The following PCDH12 variants were observed in gnomAD, a reference collection of about 807,000 sequenced individuals.
The protein encoded by PCDH12 is protocadherin 12.
In PCDH12, 45 loss-of-function variants were observed where a neutral mutation model predicts 70.9. That is an observed-to-expected ratio of 0.63 (90% CI 0.50 to 0.81). PCDH12 has a LOEUF of 0.81. Among genes scored for constraint, PCDH12 ranks in the 40% least tolerant of loss-of-function variants. PCDH12 has a pLI of 0.00. For missense variants in PCDH12, 1,370 were observed against 1,491.7 expected (o/e 0.92, Z 1.34); for synonymous variants, 567 against 626.0 (o/e 0.91, Z 1.41).
Position 141,955,436 on chromosome 5 carries a change from C to T in PCDH12, c.2416G>A (p.Ala806Thr). 6.2e-7 allele frequency: 1 copy of T among 1,614,048 alleles called. No individual in the cohort carries two copies. The highest frequency in any genetic ancestry group is 2.2e-5 in the East Asian group (1 of 44,868). Residue 806 changes from alanine (A) to threonine (T), a missense_variant, in exon 1 of 4, where the codon GCA (alanine) becomes ACA (threonine). Transcript: ENST00000231484. This position sits in a 1 kb window ranked among gnomAD's most constrained non-coding sequence, Gnocchi z 5.5. ...GCCTGCAGGCAGGGGTCCCAGCCTG[C>T]TTCCATCATCGCCTCCTTGTCCACA... ...KDVDKEAMME[A>T]GWDPCLQAPF...
At position 141,955,484 on chromosome 5, in the gene PCDH12, C is replaced by T. The variant is rs142079978; in HGVS notation, c.2368G>A (p.Glu790Lys). ...ACATCTTTGTGGGACTGCCCGACTTCACAAGGCTCACCTGCCTGACCCCTG... is the reference window on the plus strand; with the variant it reads ...ACATCTTTGTGGGACTGCCCGACTTTACAAGGCTCACCTGCCTGACCCCTG... ...VLRGQAGEPC[E>K]VGQSHKDVDK... Residue 790 changes from glutamate to lysine, a missense_variant, in exon 1 of 4, where the codon GAA (glutamate) becomes AAA (lysine). Glu to Lys is a moderately conservative substitution (Grantham distance 56). Transcript: ENST00000231484. This position sits in a 1 kb window ranked among gnomAD's most constrained non-coding sequence, Gnocchi z 5.5. 1.9e-6 allele frequency: 3 copies of T among 1,613,988 alleles called. No individual in the cohort carries two copies. The highest frequency in any genetic ancestry group is 2.7e-5 in the African/African-American group (2 of 74,916).
rs755929638 is a variant in PCDH12 at position 141,955,997 on chromosome 5, T to C, written c.1855A>G (p.Thr619Ala). 6.2e-7 allele frequency: 1 copy of C among 1,614,136 alleles called. No individual in the cohort carries two copies. The highest frequency in any genetic ancestry group is 8.5e-7 in the Non-Finnish European group (1 of 1,180,028). Residue 619 changes from threonine to alanine, a missense_variant, in exon 1 of 4, where the codon ACA becomes GCA. Physicochemically the swap from Thr to Ala is moderately conservative, Grantham distance 58. Transcript: ENST00000231484. The surrounding 1 kb of genome is among the most constrained non-coding windows in gnomAD (Gnocchi z 5.5). ...ATHSSRPFLL[T>A]TIVARDADSG... ...TCTGCATCTCTTGCCACAATGGTTG[T>C]CAAAAGGAATGGCCGGGAGCTGTGA...
In PCDH12 at chr5:141,957,723, A is replaced by G. The variant is rs1753211288; in HGVS notation, c.129T>C (p.Gly43=). ...CCTGGGACAGCTTCCCGATCACTGTACCAGATGGCACTTCCTCTGACACTT... is the reference window on the plus strand; with the variant it reads ...CCTGGGACAGCTTCCCGATCACTGTGCCAGATGGCACTTCCTCTGACACTT... ...KYQVSEEVPS[G]TVIGKLSQEL... Residue 43 remains glycine (G), a synonymous_variant, in exon 1 of 4, where the codon GGT becomes GGC. Coordinates refer to ENST00000231484, the MANE Select transcript of PCDH12 (RefSeq NM_016580.4). This position sits in a 1 kb window ranked among gnomAD's most constrained non-coding sequence, Gnocchi z 4.3. 6.2e-7 allele frequency: 1 copy of G among 1,613,954 alleles called. No individual in the cohort carries two copies. Among genetic ancestry groups the G allele is most frequent in the Non-Finnish European group, 8.5e-7 (1 of 1,180,020 alleles).
intron 3 of PCDH12, 80 bp from the exon 4 acceptor site, chr5:141,945,885 C>T: frequency 7.6e-7 from 1 of 1,308,884 alleles, no homozygotes; most frequent in South Asian, 1.3e-5. Context: ...ATGAGCAGGG[C>T]AAGGGCAGTG....
rs1170266788 is a variant in PCDH12, at chr5:141,944,950, G to A, written c.*431C>T. On this transcript the variant is annotated 3_prime_UTR_variant, in exon 4 of 4. Transcript: ENST00000231484. The stretch of plus-strand genomic sequence containing the variant: ...ACTCTTCCCTTCTCCCTCTTGACAG[G>A]TGCAAACAGGAGAATGAATCACTGC... The A allele has an allele frequency of 5.6e-6, 1 of 178,066 alleles. No individual in the cohort carries two copies. Among genetic ancestry groups the A allele is most frequent in the South Asian group, 1.4e-4 (1 of 7,294 alleles). The allele number at this position is 178,066 out of a possible 1,614,324, so 11.0% of individuals were successfully genotyped here. A position where few individuals can be genotyped will look rare whatever the true frequency, so the allele number is the denominator to read the frequency against.
rs763198239 is a variant in PCDH12 at position 141,957,328 on chromosome 5, G to A, written c.524C>T (p.Ser175Phe). 1 of 1,613,528 alleles carries A rather than the reference G, an allele frequency of 6.2e-7. No individual in the cohort carries two copies. Among genetic ancestry groups the A allele is most frequent in the Non-Finnish European group, 8.5e-7 (1 of 1,179,692 alleles). Residue 175 changes from serine (S) to phenylalanine (F), a missense_variant, in exon 1 of 4, where the codon TCT (serine) becomes TTT (phenylalanine). By Grantham distance (155) the Ser-to-Phe change is radical (BLOSUM62 -2). Coordinates refer to ENST00000231484, the MANE Select transcript of PCDH12 (RefSeq NM_016580.4). The surrounding 1 kb of genome is among the most constrained non-coding windows in gnomAD (Gnocchi z 4.3). ...ATCCAAGGCAAAGTGCTCACTGGGA[G>A]ACAGAGTGTAGGTGTGCAGGGTGTT... ...GPNTLHTYTLSPSEHFALDVI... is the reference protein window; with the variant it reads ...GPNTLHTYTLFPSEHFALDVI...
chr5:141,957,554 G>C lies in PCDH12; in HGVS notation c.298C>G (p.Gln100Glu), dbSNP rs1264770166. 2 of 1,614,098 alleles carry C rather than the reference G, an allele frequency of 1.2e-6. No individual in the cohort carries two copies. Among genetic ancestry groups the C allele is most frequent in the African/African-American group, 2.7e-5 (2 of 74,942 alleles). Residue 100 changes from glutamine to glutamate, a missense_variant, in exon 1 of 4, where the codon CAG becomes GAG. Gln to Glu is a conservative substitution (Grantham distance 29). Transcript: ENST00000231484. The surrounding 1 kb of genome is among the most constrained non-coding windows in gnomAD (Gnocchi z 4.3). Reference sequence around the variant, plus strand: ...AAGGAAACCAGGCAGGGATCCCACTGTCGGCACAGCTGCTCTCGATCCAGC... The same window carrying C: ...AAGGAAACCAGGCAGGGATCCCACTCTCGGCACAGCTGCTCTCGATCCAGC... ...RRLDREQLCR[Q>E]WDPCLVSFDV...
chr5:141,952,633 G>A (rs1389634670), intron 1 of PCDH12: 1 of 152,264 alleles, frequency 6.6e-6, no homozygotes, highest in Admixed American at 6.5e-5. Context: ...GTCCTGGGAG[G>A]CGGAGTTCTA....
Position 141,955,419 on chromosome 5 carries a change from G to T in PCDH12, c.2433C>A (p.Cys811Ter), listed in dbSNP as rs2126927387. ...EAMMEAGWDP[C>*]LQAPFHLTPT... is the part of the protein sequence containing the mutation. ...GGGTGAGGTGGAAGGGGGCCTGCAGGCAGGGGTCCCAGCCTGCTTCCATCA... is the reference window on the plus strand; with the variant it reads ...GGGTGAGGTGGAAGGGGGCCTGCAGTCAGGGGTCCCAGCCTGCTTCCATCA... The change falls in exon 1 of 4, where the codon TGC becomes TGA. Residue 811 changes from cysteine (C) to a stop codon, truncating the protein, a stop_gained. Transcript: ENST00000231484. LOFTEE classifies it high-confidence loss of function. The surrounding 1 kb of genome is among the most constrained non-coding windows in gnomAD (Gnocchi z 5.5). 1.2e-6 allele frequency: 2 copies of T among 1,614,018 alleles called. No individual in the cohort carries two copies. The highest frequency in any genetic ancestry group is 8.5e-7 in the Non-Finnish European group (1 of 1,180,020).
In PCDH12 at chr5:141,945,521, G is replaced by C; in HGVS notation, c.3415C>G (p.Leu1139Val). 1 of 1,613,802 alleles carries C rather than the reference G, an allele frequency of 6.2e-7. No individual in the cohort carries two copies. Among genetic ancestry groups the C allele is most frequent in the Non-Finnish European group, 8.5e-7 (1 of 1,179,940 alleles). Residue 1139 changes from leucine to valine, a missense_variant, in exon 4 of 4, where the codon CTC becomes GTC. Leu to Val is a conservative substitution (Grantham distance 32). Coordinates refer to ENST00000231484, the MANE Select transcript of PCDH12 (RefSeq NM_016580.4). ...VEAASEALRR[L>V]SVCGRTLSLD... ...CTGAGGGTCCTCCCGCAGACCGAGA[G>C]CCGCCGCAGCGCCTCGGAGGCGGCC...
At chr5:141,949,100 T>G (rs1432605831) in intron 3 of PCDH12, among the ~76,000 whole-genome samples, 3 of 151,656 alleles carry the variant, frequency 2.0e-5, no homozygotes, top group Non-Finnish European at 4.4e-5. Context: ...GGTGCTCACC[T>G]GTAGTCCCAG....
Position 141,955,790 on chromosome 5 carries a change from G to C in PCDH12, c.2062C>G (p.Arg688Gly). Residue 688 changes from arginine (R) to glycine (G), a missense_variant, in exon 1 of 4, where the codon CGA (arginine) becomes GGA (glycine). Coordinates refer to ENST00000231484, the MANE Select transcript of PCDH12 (RefSeq NM_016580.4). The surrounding 1 kb of genome is among the most constrained non-coding windows in gnomAD (Gnocchi z 5.5). ...ACAAACATGACCCTCAACAGGGCTC[G>C]GGTCTGTAAGGGGGGGCTTCCCTGG... ...EDQGSPPLQT[R>G]ALLRVMFVTS... 6.2e-7 allele frequency: 1 copy of C among 1,613,738 alleles called. No individual in the cohort carries two copies. Among genetic ancestry groups the C allele is most frequent in the East Asian group, 2.2e-5 (1 of 44,838 alleles).
chr5:141,944,562 T>C lies in PCDH12; in HGVS notation c.*819A>G, dbSNP rs1395099831. On this transcript the variant is annotated 3_prime_UTR_variant, in exon 4 of 4. Transcript: ENST00000231484. ...CCAGCCTGGGTCCAAATCCTGGCTCTGGCTCTACTCCCTGCTTGATCTTGG... is the reference window on the plus strand; with the variant it reads ...CCAGCCTGGGTCCAAATCCTGGCTCCGGCTCTACTCCCTGCTTGATCTTGG... 2.0e-5 allele frequency: 3 copies of C among 152,236 alleles called. No individual in the cohort carries two copies. Among genetic ancestry groups the C allele is most frequent in the Non-Finnish European group, 4.4e-5 (3 of 68,072 alleles). 9.4% of individuals were successfully genotyped at this position (152,236 alleles called of 1,614,324 possible).
chr5:141,952,790 TA>T (rs1753110947), intron 1 of PCDH12: 1 of 152,244 alleles, frequency 6.6e-6, no homozygotes, highest in African/African-American at 2.4e-5. Context: ...TTGAAAAAGT[TA>T]AAAATCCTCT....
chr5:141,955,536 C>T lies in PCDH12; in HGVS notation c.2316G>A (p.Lys772=). The change falls in exon 1 of 4, where the codon AAG becomes AAA. Residue 772 remains lysine, a synonymous_variant. Transcript: ENST00000231484. This position sits in a 1 kb window ranked among gnomAD's most constrained non-coding sequence, Gnocchi z 5.5. The part of the protein sequence containing the change: ...QPKRPQKHIQ[K]ADIHLVPVLR... ...GCACAGGCACGAGGTGGATGTCTGC[C>T]TTCTGAATGTGTTTCTGGGGCCTCT... 1 of 1,614,162 alleles carries T rather than the reference C, an allele frequency of 6.2e-7. No homozygotes were observed. Among genetic ancestry groups the T allele is most frequent in the Non-Finnish European group, 8.5e-7 (1 of 1,180,028 alleles).
Position 141,950,001 on chromosome 5 carries a change from G to A in PCDH12, c.2979-418C>T, listed in dbSNP as rs76764200. ...AGCCAGTGCAGCCGTCCATCCGTCC[G>A]TAGGAGAAGGCTGGGATTTTTGCCT... On this transcript the variant is annotated intron_variant, in intron 2 of 3. Transcript: ENST00000231484. Among the ~76,000 whole-genome samples the A allele has an allele frequency of 6.0e-3, 920 of 152,322 alleles. 11 individuals carry two copies. The highest frequency in any genetic ancestry group is 0.021 in the African/African-American group (885 of 41,568).
At chr5:141,949,109 A>G (rs1753017650) in intron 3 of PCDH12, among the ~76,000 whole-genome samples, 1 of 151,736 alleles carries the variant, frequency 6.6e-6, no homozygotes, top group African/African-American at 2.4e-5. Flanking sequence ...CTGTAGTCCC[A>G]GCTACTTGGG....
At chr5:141,947,480 A>C (rs1178616488) in intron 3 of PCDH12, among the ~76,000 whole-genome samples, 1 of 152,226 alleles carries the variant, frequency 6.6e-6, no homozygotes, top group Non-Finnish European at 1.5e-5. Context: ...GTGATGCTGA[A>C]TTCACCCAGC....
chr5:141,955,369 T>C lies in PCDH12; in HGVS notation c.2483A>G (p.Asn828Ser), dbSNP rs906099860. 6.2e-7 allele frequency: 1 copy of C among 1,614,066 alleles called. No homozygotes were observed. The highest frequency in any genetic ancestry group is 2.2e-5 in the East Asian group (1 of 44,850). ...CGCCGGTGCTCCCTGGTTGCCTTGATTACGCAGCGTCCTGTACAGGGTCGG... is the reference window on the plus strand; with the variant it reads ...CGCCGGTGCTCCCTGGTTGCCTTGACTACGCAGCGTCCTGTACAGGGTCGG... Reference protein sequence around the residue: ...LTPTLYRTLRNQGNQGAPAES... With the variant: ...LTPTLYRTLRSQGNQGAPAES... Residue 828 changes from asparagine to serine, a missense_variant, in exon 1 of 4, where the codon AAT becomes AGT. Asn to Ser is a conservative substitution (Grantham distance 46). Coordinates refer to ENST00000231484, the MANE Select transcript of PCDH12 (RefSeq NM_016580.4). The surrounding 1 kb of genome is among the most constrained non-coding windows in gnomAD (Gnocchi z 5.5).
Sources: gnomAD v4.1 joint callset for allele counts (sites outside exome capture counted in the v4.1 genomes callset) on GRCh38, gnomAD v4.1.1 for gene constraint, Gnocchi (gnomAD v3.1) non-coding constraint, MANE v1.5 for transcripts, NCBI Gene and HGNC (gene_info 2026-07-23, HGNC 2026-07-21) for gene names.